ANKRD55: variants seen among roughly 807,000 people sequenced by gnomAD.
ANKRD55 encodes ankyrin repeat domain 55, also known as ankyrin repeat domain-containing protein 55.
Under a neutral mutation model 60.6 loss-of-function variants are expected in ANKRD55, and 41 were observed. The observed-to-expected ratio is 0.68, with a 90% confidence interval of 0.53 to 0.88. The LOEUF is 0.88. ANKRD55 is among the 40% of genes least tolerant of loss of function. The pLI is 0.00. For synonymous variants in ANKRD55, 264 were observed against 290.3 expected (o/e 0.91, Z 0.92); for missense variants, 732 against 767.6 (o/e 0.95, Z 0.55).
intron 7 of ANKRD55, among the ~76,000 whole-genome samples, chr5:56,133,556 A>T (rs1339024177): frequency 8.9e-6 from 1 of 112,288 alleles, no homozygotes; most frequent in African/African-American, 2.9e-5. Flanking sequence ...GAGATAGACT[A>T]CAGTCTGGGC....
intron 2 of ANKRD55, among the ~76,000 whole-genome samples, chr5:56,185,866 C>T (rs1288415161): frequency 2.0e-5 from 3 of 152,120 alleles, no homozygotes; most frequent in African/African-American, 7.2e-5. Context: ...CTGTCTGTCC[C>T]CAAAGGAACT....
At position 56,176,239 on chromosome 5, in the gene ANKRD55, G is replaced by C; in HGVS notation, c.225C>G (p.Asp75Glu). Residue 75 changes from aspartate (D) to glutamate (E), a missense_variant, in exon 4 of 12, where the codon GAC becomes GAG. This residue lies in a region of ANKRD55 where 131 missense variants were observed against 142.7 expected (regional missense o/e 0.92). Transcript: ENST00000341048. ...CCATCTTCAACAGCAGCTTCACTGT[G>C]TCCGCTTGACGTCCAGAAACCGCAT... ...LMHAVSGRQA[D>E]TVKLLLKMGA... 1 of 1,614,202 alleles carries C rather than the reference G, an allele frequency of 6.2e-7. No individual in the cohort carries two copies. Among genetic ancestry groups the C allele is most frequent in the Non-Finnish European group, 8.5e-7 (1 of 1,180,040 alleles).
chr5:56,153,983 G>A (rs1027242993), intron 6 of ANKRD55, among the ~76,000 whole-genome samples: 1 of 149,666 alleles, frequency 6.7e-6, no homozygotes, highest in Non-Finnish European at 1.5e-5. Context: ...AGGCTGAGGC[G>A]GGTGGGTCAC....
chr5:56,124,783 G>C (rs999075011), intron 8 of ANKRD55, among the ~76,000 whole-genome samples: 1 of 152,164 alleles, frequency 6.6e-6, no homozygotes, highest in African/African-American at 2.4e-5. Context: ...TGGGATTATA[G>C]ATGTGAGCCA....
intron 8 of ANKRD55, among the ~76,000 whole-genome samples, chr5:56,120,200 C>A (rs867447515): frequency 3.3e-5 from 5 of 152,186 alleles, no homozygotes; most frequent in Middle Eastern, 3.4e-3. Flanking sequence ...CCACACCCAG[C>A]TAATTTTTGT....
chr5:56,118,380 C>T (rs1297501574), intron 8 of ANKRD55, among the ~76,000 whole-genome samples: 1 of 152,128 alleles, frequency 6.6e-6, no homozygotes, highest in African/African-American at 2.4e-5. Flanking sequence ...AATCCCAGCG[C>T]TTTGGGAGGC....
intron 2 of ANKRD55, among the ~76,000 whole-genome samples, chr5:56,200,783 C>T (rs1255940194): frequency 1.3e-5 from 2 of 152,124 alleles, no homozygotes; most frequent in East Asian, 1.9e-4. Context: ...GAGCTCAGAC[C>T]AGGGTAATTT....
chr5:56,174,213 G>A (rs530643565), intron 4 of ANKRD55, among the ~76,000 whole-genome samples: 1 of 152,176 alleles, frequency 6.6e-6, no homozygotes, highest in South Asian at 2.1e-4. Flanking sequence ...AGGCTCCAAG[G>A]GTGTCCATCA....
chr5:56,231,568 ATGG>A (rs1760252634), intron 2 of ANKRD55, among the ~76,000 whole-genome samples: 1 of 151,746 alleles, frequency 6.6e-6, no homozygotes, highest in Admixed American at 6.6e-5. Context: ...GGAGGAGAGG[ATGG>A]TGGTGGGCAC....
At chr5:56,166,086 T>TTCTCTTTC (rs1554040773) in intron 5 of ANKRD55, among the ~76,000 whole-genome samples, 12 of 91,846 alleles carry the variant, frequency 1.3e-4, no homozygotes, top group South Asian at 7.6e-4. Flanking sequence ...TTTCTTTTCT[T>TTCTCTTTC]TTTCTTTCTT....
rs1756706177 is a variant in ANKRD55, at chr5:56,111,638, G to C, written c.1110C>G (p.Tyr370Ter). 1 of 1,555,098 alleles carries C rather than the reference G, an allele frequency of 6.4e-7. No homozygotes were observed. Among genetic ancestry groups the C allele is most frequent in the South Asian group, 1.3e-5 (1 of 78,574 alleles). Residue 370 changes from tyrosine (Y) to a stop codon, truncating the protein, a stop_gained, in exon 10 of 12, where the codon TAC becomes TAG. Coordinates refer to ENST00000341048, the MANE Select transcript of ANKRD55 (RefSeq NM_024669.3). LOFTEE classifies it high-confidence loss of function. Reference protein sequence around the residue: ...AHQKDPSRDRYREEDTSEVND... With the variant: ...AHQKDPSRDR ...TGACTTCTGAGGTGTCCTCCTCTCT[G>C]TATCGGTCCCTGCTGGGATCCTTCT...
chr5:56,112,511 A>AAAAAAAAAAAAAAAAAAAAC, intron 9 of ANKRD55, among the ~76,000 whole-genome samples: 4 of 81,518 alleles, frequency 4.9e-5, no homozygotes, highest in African/African-American at 1.6e-4. Context: ...TAGCAAAAAA[A>AAAAAAAAAAAAAAAAAAAAC]AAAAAAAAAA....
intron 5 of ANKRD55, among the ~76,000 whole-genome samples, chr5:56,164,059 T>A (rs1294266293): frequency 6.6e-6 from 1 of 152,180 alleles, no homozygotes. Flanking sequence ...GCCACTGCAC[T>A]CTAGCCTGGG....
At chr5:56,205,282 A>C (rs1193278555) in intron 2 of ANKRD55, among the ~76,000 whole-genome samples, 1 of 152,098 alleles carries the variant, frequency 6.6e-6, no homozygotes, top group Non-Finnish European at 1.5e-5. Flanking sequence ...GCTGGTCTTG[A>C]ACTCTTGACC....
At chr5:56,145,802 C>T (rs745758293) in intron 6 of ANKRD55, among the ~76,000 whole-genome samples, 1 of 152,126 alleles carries the variant, frequency 6.6e-6, no homozygotes, top group Non-Finnish European at 1.5e-5. Context: ...TATCATATGA[C>T]AGTGAACCTC....
At chr5:56,136,058 A>T (rs1180423685) in intron 7 of ANKRD55, among the ~76,000 whole-genome samples, 1 of 151,636 alleles carries the variant, frequency 6.6e-6, no homozygotes, top group Non-Finnish European at 1.5e-5. Flanking sequence ...AACATCAAAG[A>T]ACTAAATAAA....
chr5:56,146,385 AG>A (rs1757896671), intron 6 of ANKRD55, among the ~76,000 whole-genome samples: 1 of 151,970 alleles, frequency 6.6e-6, no homozygotes, highest in Non-Finnish European at 1.5e-5. Flanking sequence ...CCCAGGTTCA[AG>A]GGATTCTCCT....
chr5:56,175,836 T>A (rs1204868146), intron 4 of ANKRD55, among the ~76,000 whole-genome samples: 13 of 152,112 alleles, frequency 8.5e-5, no homozygotes, highest in Admixed American at 8.5e-4. Flanking sequence ...AGGGAGATTG[T>A]TTTTAGAAGC....
chr5:56,172,866 G>A (rs1262890932), intron 4 of ANKRD55, among the ~76,000 whole-genome samples: 1 of 152,186 alleles, frequency 6.6e-6, no homozygotes, highest in Non-Finnish European at 1.5e-5. Flanking sequence ...CTAAACCAGA[G>A]TTGAGAAGTC....
Sources: gnomAD v4.1 joint callset for allele counts (sites outside exome capture counted in the v4.1 genomes callset) on GRCh38, gnomAD v4.1.1 for gene constraint, gnomAD v4.1.1 regional missense constraint, MANE v1.5 for transcripts, NCBI Gene and HGNC (gene_info 2026-07-23, HGNC 2026-07-21) for gene names.